Variants in ARHGAP31 observed in about 807,000 individuals in gnomAD.
ARHGAP31 encodes the protein rho GTPase-activating protein 31.
Under a neutral mutation model 113.9 loss-of-function variants are expected in ARHGAP31, and 34 were observed. The ratio of observed to expected loss-of-function variants is 0.30; its 90% CI spans 0.23 to 0.40. The LOEUF is 0.40. Ranked by LOEUF, ARHGAP31 falls within the 10% of genes least tolerant of loss-of-function variation. The pLI is 1.00. For missense variants in ARHGAP31, 1,548 were observed against 1,767.1 expected (o/e 0.88, Z 2.22); for synonymous variants, 650 against 684.8 (o/e 0.95, Z 0.79).
Position 119,365,318 on chromosome 3 carries a change from C to G in ARHGAP31, c.103C>G (p.Pro35Ala), listed in dbSNP as rs1349734549. ...EYLESSGQDV[P>A]YVLKSCAEFI... ...TTTTTTTCTTTTCTTTTACATAGTTCCATACGTTTTGAAGAGCTGTGCAGA... is the reference window on the plus strand; with the variant it reads ...TTTTTTTCTTTTCTTTTACATAGTTGCATACGTTTTGAAGAGCTGTGCAGA... Residue 35 changes from proline (P) to alanine (A), a missense_variant and splice_region_variant, in exon 2 of 12, where the codon CCA becomes GCA. Pro to Ala is a conservative substitution (Grantham distance 27). Coordinates refer to ENST00000264245, the MANE Select transcript of ARHGAP31 (RefSeq NM_020754.4). 1.2e-6 allele frequency: 2 copies of G among 1,613,188 alleles called. No homozygotes were observed. The highest frequency in any genetic ancestry group is 2.2e-5 in the South Asian group (2 of 91,058).
intron 1 of ARHGAP31, among the ~76,000 whole-genome samples, chr3:119,340,630 T>C (rs1191954049): frequency 1.3e-5 from 2 of 152,220 alleles, no homozygotes; most frequent in African/African-American, 4.8e-5. Context: ...ATGACAGTTC[T>C]TCCCTTACAA....
At chr3:119,310,366 C>G (rs1194101645) in intron 1 of ARHGAP31, among the ~76,000 whole-genome samples, 2 of 152,178 alleles carry the variant, frequency 1.3e-5, no homozygotes, top group Non-Finnish European at 2.9e-5. Flanking sequence ...GATTCTTAAC[C>G]AAGTGATTCA....
At chr3:119,316,348 A>G (rs938419039) in intron 1 of ARHGAP31, among the ~76,000 whole-genome samples, 1 of 152,244 alleles carries the variant, frequency 6.6e-6, no homozygotes, top group Non-Finnish European at 1.5e-5. Context: ...CAGGTTGAGA[A>G]TAACTTTCTC....
Position 119,300,830 on chromosome 3 carries a change from CAAAA to C in ARHGAP31, c.100+5838_100+5841del, listed in dbSNP as rs1180971088. Among the ~76,000 whole-genome samples, 11 of 88,462 alleles carry C rather than the reference CAAAA, an allele frequency of 1.2e-4. No homozygotes were observed. The East Asian group carries it at 1.5e-3, about 12-fold the overall frequency. 58.0% of individuals were successfully genotyped at this position (88,462 alleles called of 152,430 possible). On this transcript the variant is annotated intron_variant, in intron 1 of 11. Coordinates refer to ENST00000264245, the MANE Select transcript of ARHGAP31 (RefSeq NM_020754.4). ...CGACAGAGCCAGACTGACTCCATCT[CAAAA>C]AAAAAAAAAAAGAAAGAAAGAAAGA...
At chr3:119,374,851 A>T (rs1300147906) in intron 3 of ARHGAP31, among the ~76,000 whole-genome samples, 1 of 152,192 alleles carries the variant, frequency 6.6e-6, no homozygotes, top group Non-Finnish European at 1.5e-5. Context: ...TGGCAATGTG[A>T]AAAAGGGCTA....
chr3:119,381,793 T>C (rs562764447), intron 4 of ARHGAP31, among the ~76,000 whole-genome samples: 1 of 152,264 alleles, frequency 6.6e-6, no homozygotes, highest in South Asian at 2.1e-4. Context: ...GAGACCATCA[T>C]GGCTAACACG....
At chr3:119,318,182 A>G (rs968394737) in intron 1 of ARHGAP31, among the ~76,000 whole-genome samples, 3 of 151,672 alleles carry the variant, frequency 2.0e-5, no homozygotes, top group African/African-American at 7.3e-5. Context: ...AAGTGGGAGG[A>G]CTGCTTGAAC....
intron 6 of ARHGAP31, among the ~76,000 whole-genome samples, chr3:119,385,793 C>T (rs966267315): frequency 6.6e-6 from 1 of 152,250 alleles, no homozygotes; most frequent in Non-Finnish European, 1.5e-5. Context: ...GTGTGGACTA[C>T]TGAACCCAAA....
chr3:119,335,967 G>A (rs1197374748), intron 1 of ARHGAP31, among the ~76,000 whole-genome samples: 1 of 152,170 alleles, frequency 6.6e-6, no homozygotes, highest in Non-Finnish European at 1.5e-5. Context: ...GAGGTCAGGA[G>A]GTCGAGACCA....
intron 3 of ARHGAP31, among the ~76,000 whole-genome samples, chr3:119,376,639 C>T (rs1393059214): frequency 1.3e-5 from 2 of 151,970 alleles, no homozygotes; most frequent in African/African-American, 4.8e-5. Flanking sequence ...ATGTCACCTC[C>T]TAGAAACCTC....
Position 119,415,966 on chromosome 3 carries a change from G to C in ARHGAP31, c.4037G>C (p.Ser1346Thr). ...AGGTCAAGGCCAGGAAGACCTCAGA[G>C]CCTAATCTTATTCAGTCCTCCTTTC... ...FHRSRPGRPQ[S>T]LILFSPPFPI... Residue 1346 changes from serine to threonine, a missense_variant, in exon 12 of 12, where the codon AGC becomes ACC. Coordinates refer to ENST00000264245, the MANE Select transcript of ARHGAP31 (RefSeq NM_020754.4). The C allele has an allele frequency of 1.2e-6, 2 of 1,614,192 alleles. No individual in the cohort carries two copies. Among genetic ancestry groups the C allele is most frequent in the Non-Finnish European group, 1.7e-6 (2 of 1,180,040 alleles).
At chr3:119,324,788 T>A (rs1000229064) in intron 1 of ARHGAP31, 12 of 392,726 alleles carry the variant, frequency 3.1e-5, no homozygotes, top group Non-Finnish European at 5.1e-5. Flanking sequence ...TTGTATCTAT[T>A]CTAACTGGTA....
At chr3:119,331,105 A>C (rs953271625) in intron 1 of ARHGAP31, among the ~76,000 whole-genome samples, 5 of 152,188 alleles carry the variant, frequency 3.3e-5, no homozygotes, top group African/African-American at 1.2e-4. Context: ...ACATGGTTCA[A>C]ATGTCCACTT....
chr3:119,402,450 TA>T, intron 10 of ARHGAP31, 53 bp downstream of exon 10: 1 of 1,578,272 alleles, frequency 6.3e-7, no homozygotes, highest in African/African-American at 1.3e-5. Flanking sequence ...AAACCAGACT[TA>T]AATTTGCTTG....
Position 119,414,607 on chromosome 3 carries a change from CTG to C in ARHGAP31, c.2681_2682del (p.Val894AspfsTer63). The stretch of plus-strand genomic sequence containing the variant: ...CCTTCAGACTGTGACGAAGATGACA[CTG>C]TGACAGACATTGCCCAGCATGGCCT... On this transcript the variant is annotated frameshift_variant, in exon 12 of 12. Coordinates refer to ENST00000264245, the MANE Select transcript of ARHGAP31 (RefSeq NM_020754.4). LOFTEE classifies it high-confidence loss of function. The C allele has an allele frequency of 6.2e-7, 1 of 1,614,240 alleles. No homozygotes were observed. Among genetic ancestry groups the C allele is most frequent in the Non-Finnish European group, 8.5e-7 (1 of 1,180,040 alleles).
At chr3:119,386,652 G>A (rs2080451317) in intron 6 of ARHGAP31, among the ~76,000 whole-genome samples, 1 of 152,186 alleles carries the variant, frequency 6.6e-6, no homozygotes, top group African/African-American at 2.4e-5. Context: ...TTGGGCCCGG[G>A]GGACCACTAC....
Position 119,416,419 on chromosome 3 carries a change from G to A in ARHGAP31, c.*155G>A, listed in dbSNP as rs572097768. ...CAGCCTTTTGACCACTTATTAATTA[G>A]TCCATTTGCTAGAAGAGTGGTCAAG... is the stretch of plus-strand genomic sequence containing the variant. On this transcript the variant is annotated 3_prime_UTR_variant, in exon 12 of 12. Transcript: ENST00000264245. 1.6e-5 allele frequency: 17 copies of A among 1,072,360 alleles called. No homozygotes were observed. Among genetic ancestry groups the A allele is most frequent in the Admixed American group, 1.2e-4 (6 of 49,010 alleles). The allele number at this position is 1,072,360 out of a possible 1,614,324, so 66.4% of individuals were successfully genotyped here. A position where few individuals can be genotyped will look rare whatever the true frequency, so the allele number is the denominator to read the frequency against.
At chr3:119,381,117 A>G in intron 4 of ARHGAP31, 131 bp downstream of exon 4, 1 of 884,712 alleles carries the variant, frequency 1.1e-6, no homozygotes, top group Non-Finnish European at 1.8e-6. Context: ...GGCATTTTGA[A>G]GTTGGTGAAC....
At chr3:119,354,121 C>T (rs879339505) in intron 1 of ARHGAP31, among the ~76,000 whole-genome samples, 1 of 152,216 alleles carries the variant, frequency 6.6e-6, no homozygotes, top group Admixed American at 6.5e-5. Flanking sequence ...CCCGGGGAAC[C>T]GGGCTCCAGG....
Sources: gnomAD v4.1 joint callset for allele counts (sites outside exome capture counted in the v4.1 genomes callset) on GRCh38, gnomAD v4.1.1 for gene constraint, MANE v1.5 for transcripts, NCBI Gene and HGNC (gene_info 2026-07-23, HGNC 2026-07-21) for gene names.